TDRD10: variants seen among roughly 807,000 people sequenced by gnomAD.
TDRD10 encodes tudor domain containing 10, also known as tudor domain-containing protein 10.
In TDRD10, 40 loss-of-function variants were observed where a neutral mutation model predicts 48.0. That is an observed-to-expected ratio of 0.83 (90% confidence interval 0.65 to 1.09). TDRD10 has a LOEUF of 1.09. TDRD10 is among the 50% of genes least tolerant of loss of function. The pLI, the probability that TDRD10 is intolerant of heterozygous loss-of-function variation, is 0.00. For missense variants in TDRD10, 378 were observed against 434.7 expected (o/e 0.87, Z 1.16); for synonymous variants, 162 against 170.4 (o/e 0.95, Z 0.38).
chr1:154,524,363 C>T (rs891100010), intron 6 of TDRD10, among the ~76,000 whole-genome samples: 6 of 152,094 alleles, frequency 3.9e-5, no homozygotes, highest in South Asian at 2.1e-4. Context: ...AATGGGGTTT[C>T]GCCATGTTGC....
chr1:154,546,649 G>A (rs910946313), intron 11 of TDRD10, among the ~76,000 whole-genome samples: 1 of 152,078 alleles, frequency 6.6e-6, no homozygotes, highest in Non-Finnish European at 1.5e-5. Flanking sequence ...GCCCAGGCTG[G>A]GAACAGCCAG....
chr1:154,511,747 C>A (rs1160293309), intron 4 of TDRD10, among the ~76,000 whole-genome samples: 2 of 152,062 alleles, frequency 1.3e-5, no homozygotes, highest in African/African-American at 4.8e-5. Flanking sequence ...ACTCGAGAGG[C>A]TGAGGCAGGG....
intron 4 of TDRD10, among the ~76,000 whole-genome samples, chr1:154,512,167 C>CA (rs1394734068): frequency 4.6e-5 from 7 of 152,310 alleles, no homozygotes; most frequent in African/African-American, 1.7e-4. Flanking sequence ...CCCTTCCTCC[C>CA]AGCCCCTGGT....
intron 6 of TDRD10, among the ~76,000 whole-genome samples, chr1:154,534,834 C>T (rs1271887544): frequency 1.3e-5 from 2 of 148,594 alleles, no homozygotes; most frequent in African/African-American, 4.9e-5. Flanking sequence ...CGCATCCAGG[C>T]AGTGTTCAGG....
intron 6 of TDRD10, among the ~76,000 whole-genome samples, chr1:154,533,776 A>T (rs1254769186): frequency 1.3e-5 from 2 of 151,942 alleles, no homozygotes. Context: ...CTGGGACTAC[A>T]GGCGTGTACC....
chr1:154,514,873 T>A (rs930256974), intron 4 of TDRD10, among the ~76,000 whole-genome samples: 9 of 151,234 alleles, frequency 6.0e-5, no homozygotes, highest in African/African-American at 2.2e-4. Context: ...TTTATTTATT[T>A]ATTTTTTTTT....
chr1:154,528,173 G>A (rs1280867221), intron 6 of TDRD10, among the ~76,000 whole-genome samples: 1 of 148,000 alleles, frequency 6.8e-6, no homozygotes, highest in African/African-American at 2.5e-5. Flanking sequence ...GAGGCCAGAA[G>A]TTCGAGAACA....
rs1351206519 is a variant in TDRD10, at chr1:154,547,480, G to A, written c.1023+1G>A. 1 of 1,614,212 alleles carries A rather than the reference G, an allele frequency of 6.2e-7. No homozygotes were observed. Among genetic ancestry groups the A allele is most frequent in the South Asian group, 1.1e-5 (1 of 91,082 alleles). On this transcript the variant is annotated splice_donor_variant, in intron 12 of 12. Transcript: ENST00000368482. LOFTEE classifies it high-confidence loss of function. ...AATCACTGGTGCTTTGAACTCGGCG[G>A]TAACTGCTCCTGCATCTAACTTGGC... is the stretch of plus-strand genomic sequence containing the variant.
At chr1:154,523,619 A>G (rs1694167869) in intron 6 of TDRD10, among the ~76,000 whole-genome samples, 3 of 152,106 alleles carry the variant, frequency 2.0e-5, no homozygotes, top group Admixed American at 2.0e-4. Context: ...TTCATTATTC[A>G]ATATTCTCTT....
chr1:154,531,231 G>A (rs533535969), intron 6 of TDRD10, among the ~76,000 whole-genome samples: 10 of 152,232 alleles, frequency 6.6e-5, no homozygotes, highest in South Asian at 4.1e-4. Flanking sequence ...GCATTTTGTC[G>A]TGGCTGCTTT....
chr1:154,508,963 T>C (rs1693299297), intron 4 of TDRD10, among the ~76,000 whole-genome samples: 2 of 152,204 alleles, frequency 1.3e-5, no homozygotes, highest in South Asian at 4.1e-4. Context: ...ACTGTCTATT[T>C]GGAGAGGCCA....
chr1:154,542,872 C>T (rs1557836690), intron 8 of TDRD10, 51 bp downstream of exon 8: 1 of 1,475,470 alleles, frequency 6.8e-7, no homozygotes, highest in Admixed American at 1.7e-5. Context: ...TACAGACATC[C>T]TCTGTCCCCC....
chr1:154,545,927 ATTTTTTT>A (rs559924225), intron 11 of TDRD10, among the ~76,000 whole-genome samples: 275 of 85,488 alleles, frequency 3.2e-3, no homozygotes, highest in African/African-American at 0.012. Flanking sequence ...CACCCAGCTA[ATTTTTTT>A]TTTTTTTTTT....
intron 6 of TDRD10, among the ~76,000 whole-genome samples, chr1:154,535,437 G>A (rs1290072622): frequency 6.6e-6 from 1 of 151,870 alleles, no homozygotes; most frequent in Non-Finnish European, 1.5e-5. Flanking sequence ...TGTAATCCCA[G>A]TGCTTTGGAA....
chr1:154,521,248 G>C, intron 5 of TDRD10, 75 bp from the exon 6 acceptor site: 1 of 1,501,464 alleles, frequency 6.7e-7, no homozygotes, highest in Admixed American at 1.8e-5. Flanking sequence ...TCCAGCTTGG[G>C]CTTGGTGCCT....
At chr1:154,510,951 C>A (rs1226036846) in intron 4 of TDRD10, among the ~76,000 whole-genome samples, 1 of 151,194 alleles carries the variant, frequency 6.6e-6, no homozygotes, top group Non-Finnish European at 1.5e-5. Flanking sequence ...GAGGCTGAGG[C>A]AGGAGAATGG....
intron 8 of TDRD10, among the ~76,000 whole-genome samples, chr1:154,543,755 A>C (rs1180685056): frequency 6.6e-6 from 1 of 152,082 alleles, no homozygotes; most frequent in Non-Finnish European, 1.5e-5. Context: ...CGCCCCCAGA[A>C]TGGCCCTTCC....
intron 1 of TDRD10, among the ~76,000 whole-genome samples, chr1:154,505,148 TG>T (rs771328655): frequency 6.6e-6 from 1 of 152,376 alleles, no homozygotes; most frequent in Middle Eastern, 3.4e-3. Flanking sequence ...GGATGCTAAG[TG>T]ATCTTGGCCA....
chr1:154,525,527 G>A (rs995095612), intron 6 of TDRD10, among the ~76,000 whole-genome samples: 4 of 152,206 alleles, frequency 2.6e-5, no homozygotes, highest in African/African-American at 9.6e-5. Context: ...GAGCAAAGAA[G>A]AAAGGTTGAA....
Sources: allele counts gnomAD v4.1 joint callset (sites outside exome capture counted in the v4.1 genomes callset), GRCh38; gene constraint gnomAD v4.1.1; transcripts MANE v1.5; gene names NCBI Gene and HGNC (gene_info 2026-07-23, HGNC 2026-07-21).